Variants in CSNK2A2IP observed in about 807,000 individuals in gnomAD.
The protein encoded by CSNK2A2IP is casein kinase II subunit alpha'-interacting protein.
the CSNK2A2IP span, among the ~76,000 whole-genome samples, chr3:88,431,915 T>G: frequency 6.6e-6 from 1 of 152,136 alleles, no homozygotes; most frequent in African/African-American, 2.4e-5. Flanking sequence ...TAAATTTATG[T>G]GAAATGGTTT....
the CSNK2A2IP span, among the ~76,000 whole-genome samples, chr3:88,411,485 T>C: frequency 1.3e-5 from 2 of 152,004 alleles, no homozygotes; most frequent in African/African-American, 2.4e-5. Flanking sequence ...GATTATAAGT[T>C]TATTGCATTA....
At chr3:88,346,560 C>T in the CSNK2A2IP span, among the ~76,000 whole-genome samples, 1 of 151,916 alleles carries the variant, frequency 6.6e-6, no homozygotes, top group Admixed American at 6.6e-5. Context: ...TCTTCCTGTG[C>T]ACTAGAAATG....
At chr3:88,465,274 A>G in the CSNK2A2IP span, 1 of 795,068 alleles carries the variant, frequency 1.3e-6, no homozygotes. Context: ...TCCATTTTCC[A>G]TGGATTCCCG....
the CSNK2A2IP span, among the ~76,000 whole-genome samples, chr3:88,400,079 C>A: frequency 8.5e-5 from 13 of 152,234 alleles, no homozygotes; most frequent in African/African-American, 2.9e-4. Flanking sequence ...TTGTTTAAAA[C>A]AAATCGTAGA....
the CSNK2A2IP span, among the ~76,000 whole-genome samples, chr3:88,461,096 A>C: frequency 6.6e-6 from 1 of 152,126 alleles, no homozygotes; most frequent in African/African-American, 2.4e-5. Flanking sequence ...TCAAAAAAAA[A>C]ACAAAGAAAC....
At chr3:88,366,164 A>C in the CSNK2A2IP span, among the ~76,000 whole-genome samples, 1 of 152,080 alleles carries the variant, frequency 6.6e-6, no homozygotes, top group Non-Finnish European at 1.5e-5. Context: ...GAGGATTTTA[A>C]ACTCCAGCAC....
At chr3:88,458,621 T>C in the CSNK2A2IP span, among the ~76,000 whole-genome samples, 1 of 68,704 alleles carries the variant, frequency 1.5e-5, no homozygotes, top group Admixed American at 1.3e-4. Flanking sequence ...TGTGCTCTTC[T>C]TTTTTTTTAT....
chr3:88,408,961 C>T, the CSNK2A2IP span, among the ~76,000 whole-genome samples: 1 of 151,902 alleles, frequency 6.6e-6, no homozygotes. Flanking sequence ...CCAACTGAGA[C>T]CATTGAAAAG....
the CSNK2A2IP span, among the ~76,000 whole-genome samples, chr3:88,426,672 TC>T: frequency 6.6e-6 from 1 of 151,972 alleles, no homozygotes; most frequent in South Asian, 2.1e-4. Flanking sequence ...TAAGGGACTT[TC>T]CCCCCTTTTG....
chr3:88,405,992 G>T, the CSNK2A2IP span, among the ~76,000 whole-genome samples: 16 of 151,860 alleles, frequency 1.1e-4, no homozygotes, highest in African/African-American at 3.6e-4. Context: ...AATGAGTGGA[G>T]CTATATTAGA....
the CSNK2A2IP span, among the ~76,000 whole-genome samples, chr3:88,426,778 T>A: frequency 6.6e-6 from 1 of 151,594 alleles, no homozygotes; most frequent in Non-Finnish European, 1.5e-5. Flanking sequence ...CCCAGTCCTA[T>A]GGAACTGTGA....
the CSNK2A2IP span, among the ~76,000 whole-genome samples, chr3:88,361,079 C>T: frequency 0.1 from 15,641 of 151,990 alleles, 1,274 homozygotes; most frequent in Admixed American, 0.27. Flanking sequence ...ATATAATTGT[C>T]GTAGTTATTA....
the CSNK2A2IP span, among the ~76,000 whole-genome samples, chr3:88,415,959 T>C: frequency 0.11 from 16,817 of 151,908 alleles, 1,131 homozygotes; most frequent in East Asian, 0.23. Flanking sequence ...AGCCTCTTTG[T>C]TCTCTAGAAG....
chr3:88,384,762 A>G, the CSNK2A2IP span, among the ~76,000 whole-genome samples: 2 of 152,208 alleles, frequency 1.3e-5, no homozygotes, highest in African/African-American at 4.8e-5. Flanking sequence ...GAAGATGTTG[A>G]TAGCTTAACT....
At chr3:88,355,759 C>A in the CSNK2A2IP span, among the ~76,000 whole-genome samples, 4 of 152,018 alleles carry the variant, frequency 2.6e-5, no homozygotes, top group African/African-American at 9.7e-5. Context: ...GACTAGAATG[C>A]CTTTGAATTA....
the CSNK2A2IP span, among the ~76,000 whole-genome samples, chr3:88,358,114 CT>C: frequency 1.3e-5 from 2 of 152,068 alleles, no homozygotes; most frequent in Non-Finnish European, 2.9e-5. Context: ...AATGGGATTA[CT>C]TTCTTGGTTT....
the CSNK2A2IP span, among the ~76,000 whole-genome samples, chr3:88,414,195 GTA>G: frequency 9.3e-4 from 124 of 132,948 alleles, no homozygotes; most frequent in East Asian, 8.9e-4. Flanking sequence ...ACATATATAT[GTA>G]TATATATATA....
chr3:88,362,191 G>A, the CSNK2A2IP span, among the ~76,000 whole-genome samples: 1 of 151,966 alleles, frequency 6.6e-6, no homozygotes, highest in Non-Finnish European at 1.5e-5. Context: ...TGAAGAGTTA[G>A]GTATTTATTC....
chr3:88,373,490 T>C, the CSNK2A2IP span, among the ~76,000 whole-genome samples: 8 of 151,064 alleles, frequency 5.3e-5, no homozygotes, highest in Non-Finnish European at 1.2e-4. Flanking sequence ...AAGTGGTGTT[T>C]AGAGAAAAAT....
Sources: gnomAD v4.1 joint callset for allele counts (sites outside exome capture counted in the v4.1 genomes callset) on GRCh38, gnomAD v4.1.1 for gene constraint, MANE v1.5 for transcripts, NCBI Gene and HGNC (gene_info 2026-07-23, HGNC 2026-07-21) for gene names.